The following CNTN1 variants were observed in gnomAD, a reference collection of about 807,000 sequenced individuals.
CNTN1 encodes the protein contactin 1, also known as contactin-1.
In CNTN1, 38 loss-of-function variants were observed where a neutral mutation model predicts 126.4. That is an observed-to-expected ratio of 0.30 (90% CI 0.23 to 0.39). The LOEUF (loss-of-function observed/expected upper bound fraction) is 0.39. Ranked by LOEUF, CNTN1 falls within the 10% of genes least tolerant of loss-of-function variation. The pLI is 1.00. For missense variants in CNTN1, 1,009 were observed against 1,248.4 expected (o/e 0.81, Z 2.89); for synonymous variants, 413 against 422.6 (o/e 0.98, Z 0.28).
At chr12:40,870,174 T>G (rs1262014913) in intron 1 of CNTN1, among the ~76,000 whole-genome samples, 1 of 151,672 alleles carries the variant, frequency 6.6e-6, no homozygotes, top group Non-Finnish European at 1.5e-5. Context: ...ATCTCTTTTT[T>G]TTTTTTCTAA....
chr12:41,014,082 T>C, intron 17 of CNTN1, 146 bp from the exon 18 acceptor site: 3 of 702,852 alleles, frequency 4.3e-6, no homozygotes, highest in South Asian at 1.7e-5. Flanking sequence ...GTTATTATAA[T>C]TGAGTGGATC....
chr12:40,790,458 A>C (rs1273231709), intron 1 of CNTN1, among the ~76,000 whole-genome samples: 1 of 152,094 alleles, frequency 6.6e-6, no homozygotes, highest in South Asian at 2.1e-4. Flanking sequence ...ATCTATGGAG[A>C]ATTTAAATGA....
At chr12:40,918,888 C>A in intron 4 of CNTN1, 117 bp downstream of exon 4, 1 of 1,247,866 alleles carries the variant, frequency 8.0e-7, no homozygotes, top group Admixed American at 1.8e-5. Context: ...TGGACATTAA[C>A]AAAAATATTG....
In CNTN1 at chr12:40,905,693, A is replaced by G. The variant is rs369374477; in HGVS notation, c.-76-2664A>G. On this transcript the variant is annotated intron_variant, in intron 1 of 23. Coordinates refer to ENST00000551295, the MANE Select transcript of CNTN1 (RefSeq NM_001843.4). The stretch of plus-strand genomic sequence containing the variant: ...TTACAAAGTCAATTGCTTGATTGGC[A>G]TTAAAGTTTTGGCATTTTTATGTGT... Among the ~76,000 whole-genome samples, 3 of 152,162 alleles carry G rather than the reference A, an allele frequency of 2.0e-5. No individual in the cohort carries two copies. In the South Asian group the frequency reaches 6.2e-4, roughly 32 times the overall value.
Position 41,070,171 on chromosome 12 carries a change from T to C in CNTN1, c.*136T>C, listed in dbSNP as rs1460577358. ...ATACTTTAACAAACTATTCAACTGA[T>C]TTACAACACACATGATGACTGAGGC... is the stretch of plus-strand genomic sequence containing the variant. On this transcript the variant is annotated 3_prime_UTR_variant, in exon 24 of 24. Coordinates refer to ENST00000551295, the MANE Select transcript of CNTN1 (RefSeq NM_001843.4). 1 of 768,982 alleles carries C rather than the reference T, an allele frequency of 1.3e-6. No homozygotes were observed. Among genetic ancestry groups the C allele is most frequent in the Admixed American group, 2.0e-5 (1 of 50,338 alleles). The allele number at this position is 768,982 out of a possible 1,614,324, so 47.6% of individuals were successfully genotyped here.
intron 15 of CNTN1, among the ~76,000 whole-genome samples, chr12:40,967,927 A>G (rs948268060): frequency 6.6e-6 from 1 of 150,784 alleles, no homozygotes; most frequent in Admixed American, 6.6e-5. Flanking sequence ...ATGTAACTAC[A>G]TAGCATGTTA....
At chr12:40,764,714 GA>G (rs2136421934) in intron 1 of CNTN1, among the ~76,000 whole-genome samples, 1 of 152,244 alleles carries the variant, frequency 6.6e-6, no homozygotes, top group Non-Finnish European at 1.5e-5. Flanking sequence ...AAAGTCGAGG[GA>G]AAAATGTAAG....
chr12:40,853,460 A>G (rs950992375), intron 1 of CNTN1, among the ~76,000 whole-genome samples: 2 of 152,154 alleles, frequency 1.3e-5, no homozygotes, highest in African/African-American at 2.4e-5. Flanking sequence ...CTGAACGCTC[A>G]ATCCAAGGCA....
chr12:41,025,393 G>T, intron 21 of CNTN1, 57 bp downstream of exon 21: 1 of 1,540,438 alleles, frequency 6.5e-7, no homozygotes. Context: ...ATTCAATCAT[G>T]ATACGAATAT....
intron 22 of CNTN1, among the ~76,000 whole-genome samples, chr12:41,028,754 C>A (rs1333649455): frequency 1.3e-5 from 2 of 152,034 alleles, no homozygotes. Context: ...TAAAAGTTCT[C>A]ATTTTGGACT....
At chr12:40,734,799 T>G (rs544353188) in intron 1 of CNTN1, among the ~76,000 whole-genome samples, 32 of 152,206 alleles carry the variant, frequency 2.1e-4, no homozygotes, top group African/African-American at 7.7e-4. Context: ...AATTGCCCAT[T>G]GTATTTACAA....
At chr12:40,949,565 CTTTCT>C (rs1946584556) in intron 14 of CNTN1, among the ~76,000 whole-genome samples, 1 of 97,576 alleles carries the variant, frequency 1.0e-5, no homozygotes, top group South Asian at 3.6e-4. Context: ...CTTTTCTTTT[CTTTCT>C]TTTTTTTTTT....
chr12:41,010,729 G>T (rs560502028), intron 17 of CNTN1, among the ~76,000 whole-genome samples: 1 of 152,252 alleles, frequency 6.6e-6, no homozygotes, highest in South Asian at 2.1e-4. Flanking sequence ...TTCTCATCTG[G>T]TTTTGTTCTA....
intron 17 of CNTN1, among the ~76,000 whole-genome samples, chr12:41,003,867 C>A (rs1023882469): frequency 5.9e-5 from 9 of 151,866 alleles, no homozygotes; most frequent in African/African-American, 2.2e-4. Context: ...AGTTAGCAGT[C>A]TATTTTATTT....
At chr12:40,889,792 G>A (rs998231827) in intron 1 of CNTN1, among the ~76,000 whole-genome samples, 2 of 152,170 alleles carry the variant, frequency 1.3e-5, no homozygotes, top group Non-Finnish European at 2.9e-5. Flanking sequence ...ATTATGCTGA[G>A]GATGAAGATG....
At chr12:41,043,753 T>G (rs1489930281) in intron 23 of CNTN1, among the ~76,000 whole-genome samples, 1 of 151,760 alleles carries the variant, frequency 6.6e-6, no homozygotes. Context: ...CCAACCCAAA[T>G]GTCCAACAAT....
At chr12:40,928,607 G>GA (rs903212288) in intron 6 of CNTN1, among the ~76,000 whole-genome samples, 2 of 151,854 alleles carry the variant, frequency 1.3e-5, no homozygotes, top group African/African-American at 4.8e-5. Flanking sequence ...TCTATAATTT[G>GA]AAAAAATCAA....
chr12:40,769,253 T>G (rs143657225), intron 1 of CNTN1, among the ~76,000 whole-genome samples: 5 of 142,908 alleles, frequency 3.5e-5, no homozygotes, highest in African/African-American at 9.8e-5. Flanking sequence ...TTAGTAGTTG[T>G]AAACAATATA....
chr12:40,816,922 A>G, intron 1 of CNTN1, among the ~76,000 whole-genome samples: 1 of 152,158 alleles, frequency 6.6e-6, no homozygotes, highest in East Asian at 1.9e-4. Flanking sequence ...GTCATTCAGG[A>G]GCAGGTTGTT....
Sources: gnomAD v4.1 joint callset for allele counts (sites outside exome capture counted in the v4.1 genomes callset) on GRCh38, gnomAD v4.1.1 for gene constraint, MANE v1.5 for transcripts, NCBI Gene and HGNC (gene_info 2026-07-23, HGNC 2026-07-21) for gene names.